DCAF12: variants seen among roughly 807,000 people sequenced by gnomAD.
DCAF12 encodes the protein DDB1- and CUL4-associated factor 12.
Under a neutral mutation model 52.8 loss-of-function variants are expected in DCAF12, and 28 were observed. The observed-to-expected ratio is 0.53, with a 90% CI of 0.39 to 0.73. The LOEUF is 0.73. Among genes scored for constraint, DCAF12 ranks in the 30% least tolerant of loss-of-function variants. DCAF12 has a pLI of 0.00. For synonymous variants in DCAF12, 196 were observed against 215.5 expected (o/e 0.91, Z 0.79); for missense variants, 425 against 552.2 (o/e 0.77, Z 2.31).
intron 7 of DCAF12, among the ~76,000 whole-genome samples, chr9:34,092,694 A>AAC (rs1554699075): frequency 5.9e-5 from 9 of 151,396 alleles, no homozygotes; most frequent in Admixed American, 2.0e-4. Flanking sequence ...CAAAAAAAAA[A>AAC]AACAACAACA....
intron 4 of DCAF12, among the ~76,000 whole-genome samples, chr9:34,104,883 A>G (rs1390657857): frequency 6.6e-6 from 1 of 151,208 alleles, no homozygotes; most frequent in Non-Finnish European, 1.5e-5. Flanking sequence ...GCACCATTGC[A>G]CTTTAGCCTG....
chr9:34,111,763 T>C (rs1829006760), intron 2 of DCAF12, among the ~76,000 whole-genome samples: 1 of 152,170 alleles, frequency 6.6e-6, no homozygotes, highest in African/African-American at 2.4e-5. Context: ...AATATGTAAC[T>C]GGCTGGTGGC....
chr9:34,121,529 A>G lies in DCAF12; in HGVS notation c.333+3494T>C, dbSNP rs886654832. ...AGTCCCTGGTAGTCTTTGACTGGAGAGTGCTGACAATGGGAAATAAGAGTT... is the reference window on the plus strand; with the variant it reads ...AGTCCCTGGTAGTCTTTGACTGGAGGGTGCTGACAATGGGAAATAAGAGTT... On this transcript the variant is annotated intron_variant, in intron 2 of 8. Coordinates refer to ENST00000361264, the MANE Select transcript of DCAF12 (RefSeq NM_015397.4). Among the ~76,000 whole-genome samples, 7 of 152,252 alleles carry G rather than the reference A, an allele frequency of 4.6e-5. No homozygotes were observed. The South Asian group carries it at 6.2e-4, about 14-fold the overall frequency.
intron 2 of DCAF12, among the ~76,000 whole-genome samples, chr9:34,115,099 G>A (rs576776575): frequency 6.6e-6 from 1 of 152,242 alleles, no homozygotes; most frequent in South Asian, 2.1e-4. Context: ...CAGACAACAA[G>A]ACACACTATG....
chr9:34,122,559 C>G (rs2131444547), intron 2 of DCAF12, among the ~76,000 whole-genome samples: 1 of 149,846 alleles, frequency 6.7e-6, no homozygotes, highest in South Asian at 2.1e-4. Flanking sequence ...TCACTACAAC[C>G]TCCGCCTCCC....
At chr9:34,100,037 CTCTT>C (rs1271890303) in intron 4 of DCAF12, among the ~76,000 whole-genome samples, 1 of 151,960 alleles carries the variant, frequency 6.6e-6, no homozygotes, top group African/African-American at 2.4e-5. Flanking sequence ...CCTTATGTCT[CTCTT>C]TTTTTAGAGA....
chr9:34,126,602 A>G lies in DCAF12; in HGVS notation c.-171T>C, dbSNP rs1362781133. On this transcript the variant is annotated 5_prime_UTR_variant, in exon 1 of 9. Coordinates refer to ENST00000361264, the MANE Select transcript of DCAF12 (RefSeq NM_015397.4). ...AAAAAAGATAGGCGGAAAGAAAGGA[A>G]AGAGAGAGGAAGGACTTGAGCCGGG... The G allele has an allele frequency of 5.7e-6, 4 of 697,336 alleles. No individual in the cohort carries two copies. The highest frequency in any genetic ancestry group is 5.4e-5 in the African/African-American group (3 of 55,126). 43.2% of individuals were successfully genotyped at this position (697,336 alleles called of 1,614,324 possible). A position where few individuals can be genotyped will look rare whatever the true frequency, so the allele number is the denominator to read the frequency against.
At chr9:34,117,478 T>G (rs948967558) in intron 2 of DCAF12, among the ~76,000 whole-genome samples, 1 of 152,148 alleles carries the variant, frequency 6.6e-6, no homozygotes, top group East Asian at 1.9e-4. Context: ...AGGTCTCTGT[T>G]AAAAATGGAC....
Position 34,124,677 on chromosome 9 carries a change from C to T in DCAF12, c.333+346G>A, listed in dbSNP as rs529009446. 2.1e-4 allele frequency among the ~76,000 whole-genome samples: 32 copies of T among 152,248 alleles called. No homozygotes were observed. The South Asian group carries it at 3.7e-3, about 18-fold the overall frequency. Reference sequence around the variant, plus strand: ...ACTATTATGTATCCTGAATGATGCTCTAAGCATCATTATTTCTTAAATCTT... The same window carrying T: ...ACTATTATGTATCCTGAATGATGCTTTAAGCATCATTATTTCTTAAATCTT... On this transcript the variant is annotated intron_variant, in intron 2 of 8. Coordinates refer to ENST00000361264, the MANE Select transcript of DCAF12 (RefSeq NM_015397.4).
Position 34,108,812 on chromosome 9 carries a change from A to ATATAT in DCAF12, c.334-1248_334-1247insATATA, listed in dbSNP as rs377504137. Among the ~76,000 whole-genome samples the ATATAT allele has an allele frequency of 5.9e-3, 816 of 139,252 alleles. 8 individuals carry two copies. The highest frequency in any genetic ancestry group is 0.015 in the Middle Eastern group (4 of 260). The allele number at this position is 139,252 out of a possible 152,430, so 91.4% of individuals were successfully genotyped here. On this transcript the variant is annotated intron_variant, in intron 2 of 8. Transcript: ENST00000361264. ...TGGTCTCAAAAAAAATAAATAAATAAATATATATATATATATATGAATGAG... is the reference window on the plus strand; with the variant it reads ...TGGTCTCAAAAAAAATAAATAAATAATATATATATATATATATATATATGAATGAG...
At chr9:34,094,321 A>C (rs1367341296) in intron 6 of DCAF12, among the ~76,000 whole-genome samples, 3 of 151,772 alleles carry the variant, frequency 2.0e-5, no homozygotes, top group African/African-American at 7.3e-5. Flanking sequence ...AAGGAGAATC[A>C]CTTGAACCTG....
chr9:34,100,329 G>C (rs1239711699), intron 4 of DCAF12, among the ~76,000 whole-genome samples: 1 of 151,244 alleles, frequency 6.6e-6, no homozygotes, highest in Non-Finnish European at 1.5e-5. Flanking sequence ...CTCCTGAGTA[G>C]CTGGGACTAC....
chr9:34,098,564 T>C (rs776716182), intron 4 of DCAF12, 47 bp from the exon 5 acceptor site: 1 of 1,569,040 alleles, frequency 6.4e-7, no homozygotes. Context: ...CACCCCTCTA[T>C]GGGAAATCCC....
intron 2 of DCAF12, among the ~76,000 whole-genome samples, chr9:34,118,718 C>T (rs1322989148): frequency 2.0e-5 from 3 of 151,478 alleles, no homozygotes; most frequent in East Asian, 3.9e-4. Flanking sequence ...AATCCCAGCT[C>T]TTTGGGAGGC....
rs772478894 is a variant in DCAF12, at chr9:34,088,504, T to C, written c.1208A>G (p.His403Arg). The C allele has an allele frequency of 2.5e-6, 4 of 1,614,010 alleles. No individual in the cohort carries two copies. The highest frequency in any genetic ancestry group is 1.3e-5 in the African/African-American group (1 of 74,922). ...KLTTGKGWLN[H>R]DETWRNYFSD... ...AAAGTAATTCCTCCAGGTTTCATCA[T>C]GATTCTACGGGAAGAGAAAGAGACT... Residue 403 changes from histidine (H) to arginine (R), a missense_variant, in exon 9 of 9, where the codon CAT becomes CGT. Around this residue, in one of 3 missense-constraint regions of DCAF12, gnomAD observed 328 missense variants for 444.4 expected, o/e 0.74. Transcript: ENST00000361264.
intron 2 of DCAF12, among the ~76,000 whole-genome samples, chr9:34,123,491 G>A (rs1194228328): frequency 1.3e-5 from 2 of 152,160 alleles, no homozygotes; most frequent in Non-Finnish European, 2.9e-5. Flanking sequence ...TCAGAGAAGA[G>A]CACTATTCCT....
At chr9:34,099,212 C>CCATG (rs1178285736) in intron 4 of DCAF12, among the ~76,000 whole-genome samples, 3 of 151,846 alleles carry the variant, frequency 2.0e-5, no homozygotes, top group African/African-American at 7.3e-5. Flanking sequence ...AGATCACAGG[C>CCATG]GCATGCTACC....
intron 6 of DCAF12, 70 bp downstream of exon 6, chr9:34,096,646 A>G: frequency 4.4e-6 from 6 of 1,356,788 alleles, no homozygotes; most frequent in Non-Finnish European, 5.2e-6. Context: ...AAAAAAGCTC[A>G]GCTAGAATTA....
intron 6 of DCAF12, among the ~76,000 whole-genome samples, chr9:34,094,709 T>A (rs1828705798): frequency 6.6e-6 from 1 of 151,718 alleles, no homozygotes; most frequent in Non-Finnish European, 1.5e-5. Flanking sequence ...TTTTTGTATT[T>A]TTAGTAGAGA....
Sources: gnomAD v4.1 joint callset for allele counts (sites outside exome capture counted in the v4.1 genomes callset) on GRCh38, gnomAD v4.1.1 for gene constraint, gnomAD v4.1.1 regional missense constraint, MANE v1.5 for transcripts, NCBI Gene and HGNC (gene_info 2026-07-23, HGNC 2026-07-21) for gene names.